Variants in ADAMTS2 observed in about 807,000 individuals in gnomAD.
ADAMTS2 encodes the protein ADAM metallopeptidase with thrombospondin type 1 motif 2, also known as A disintegrin and metalloproteinase with thrombospondin motifs 2.
In ADAMTS2, 50 loss-of-function variants were observed where a neutral mutation model predicts 123.0. The observed-to-expected ratio is 0.41, with a 90% CI of 0.32 to 0.51. The LOEUF is 0.51. ADAMTS2 is among the 20% of genes least tolerant of loss of function. The pLI is 0.35. For missense variants in ADAMTS2, 1,494 were observed against 1,705.2 expected, an observed-to-expected ratio of 0.88 and a Z score of 2.18; for synonymous variants, 678 against 695.4, an observed-to-expected ratio of 0.98 and a Z score of 0.39.
chr5:179,229,332 CATGAG>C (rs1284134942), intron 3 of ADAMTS2, among the ~76,000 whole-genome samples: 6,848 of 106,304 alleles, frequency 0.064, 781 homozygotes, highest in Admixed American at 0.12. Context: ...ACTCCACAAA[CATGAG>C]ACCCCGCTGC....
At chr5:179,148,280 G>C (rs1350865051) in intron 10 of ADAMTS2, among the ~76,000 whole-genome samples, 1 of 152,098 alleles carries the variant, frequency 6.6e-6, no homozygotes, top group Admixed American at 6.5e-5. Flanking sequence ...GTGCCACCCA[G>C]ATCCCTCTTC....
intron 2 of ADAMTS2, among the ~76,000 whole-genome samples, chr5:179,304,267 T>A (rs936439994): frequency 6.6e-6 from 1 of 152,140 alleles, no homozygotes; most frequent in Non-Finnish European, 1.5e-5. Flanking sequence ...CAAAGTCTCA[T>A]AGGGTAATAT....
chr5:179,252,385 A>G lies in ADAMTS2; in HGVS notation c.688+20526T>C, dbSNP rs80186353. ...CTTTGGATCAATGTTGCCTTTTTCTAACTTCTCACACTGGAAATTTATCTC... is the reference window on the plus strand; with the variant it reads ...CTTTGGATCAATGTTGCCTTTTTCTGACTTCTCACACTGGAAATTTATCTC... On this transcript the variant is annotated intron_variant, in intron 3 of 21. Coordinates refer to ENST00000251582, the MANE Select transcript of ADAMTS2 (RefSeq NM_014244.5). Among the ~76,000 whole-genome samples, 864 of 152,130 alleles carry G rather than the reference A, an allele frequency of 5.7e-3. 11 individuals are homozygous for G. Among genetic ancestry groups the G allele is most frequent in the African/African-American group, 0.02 (826 of 41,504 alleles).
chr5:179,313,962 G>A (rs13153106), intron 2 of ADAMTS2, among the ~76,000 whole-genome samples: 1,392 of 43,276 alleles, frequency 0.032, 150 homozygotes, highest in African/African-American at 0.12. Context: ...ATTCACACTC[G>A]TGCACACACA....
intron 20 of ADAMTS2, 41 bp downstream of exon 20, chr5:179,122,603 C>T: frequency 6.5e-7 from 1 of 1,546,184 alleles, no homozygotes; most frequent in Non-Finnish European, 8.7e-7. Flanking sequence ...CCCTGGGCTG[C>T]TGCATGCTGG....
At chr5:179,166,626 C>T (rs1478127604) in intron 5 of ADAMTS2, among the ~76,000 whole-genome samples, 1 of 152,192 alleles carries the variant, frequency 6.6e-6, no homozygotes, top group Non-Finnish European at 1.5e-5. Flanking sequence ...AGCTCCAAGT[C>T]CCAGCCCCAT....
rs1370929755 is a variant in ADAMTS2, at chr5:179,228,381, A to C, written c.689-20666T>G. Among the ~76,000 whole-genome samples, 1 of 152,196 alleles carries C rather than the reference A, an allele frequency of 6.6e-6. No individual in the cohort carries two copies. The highest frequency in any genetic ancestry group is 1.5e-5 in the Non-Finnish European group (1 of 68,034). On this transcript the variant is annotated intron_variant, in intron 3 of 21. Transcript: ENST00000251582. This position sits in a 1 kb window ranked among gnomAD's most constrained non-coding sequence, Gnocchi z 5.2. ...GACTCAGCTCACTCCACCAGAACCC[A>C]GTCTGGGCACCAGCCTGTTTTCTTG...
chr5:179,311,151 T>C (rs550526628), intron 2 of ADAMTS2, among the ~76,000 whole-genome samples: 2 of 151,916 alleles, frequency 1.3e-5, no homozygotes, highest in Non-Finnish European at 2.9e-5. Flanking sequence ...TCAGCAGATG[T>C]TCACTCTGAG....
chr5:179,237,519 A>G (rs1213971406), intron 3 of ADAMTS2, among the ~76,000 whole-genome samples: 1 of 152,156 alleles, frequency 6.6e-6, no homozygotes, highest in Admixed American at 6.5e-5. Flanking sequence ...TCTACTGACT[A>G]AGACAGTGTC....
At chr5:179,222,786 T>C (rs1186158173) in intron 3 of ADAMTS2, among the ~76,000 whole-genome samples, 1 of 152,054 alleles carries the variant, frequency 6.6e-6, no homozygotes, top group Non-Finnish European at 1.5e-5. Flanking sequence ...CATCACAGCA[T>C]TGCATGTTGT....
chr5:179,130,094 G>C lies in ADAMTS2; in HGVS notation c.2295C>G (p.Val765=), dbSNP rs1314855077. ...TGAACTTGCCTGTCTCCAGGTTCTTGACGGCTGAGAATGGCAAGACCAAGT... is the reference window on the plus strand; with the variant it reads ...TGAACTTGCCTGTCTCCAGGTTCTTCACGGCTGAGAATGGCAAGACCAAGT... ...EVDATSHHLA[V]KNLETGKFIL... Residue 765 remains valine (V), a synonymous_variant, in exon 16 of 22, where the codon GTC becomes GTG. Transcript: ENST00000251582. This position sits in a 1 kb window ranked among gnomAD's most constrained non-coding sequence, Gnocchi z 4.3. 6.2e-7 allele frequency: 1 copy of C among 1,613,964 alleles called. No homozygotes were observed. The highest frequency in any genetic ancestry group is 1.7e-5 in the Admixed American group (1 of 60,030).
At chr5:179,295,762 C>T (rs1047237117) in intron 2 of ADAMTS2, among the ~76,000 whole-genome samples, 4 of 152,136 alleles carry the variant, frequency 2.6e-5, no homozygotes, top group Admixed American at 1.3e-4. Context: ...AAGTGAGAGT[C>T]GGGGTGGGAG....
At chr5:179,164,762 G>T (rs1410628782) in intron 5 of ADAMTS2, among the ~76,000 whole-genome samples, 1 of 152,188 alleles carries the variant, frequency 6.6e-6, no homozygotes, top group Non-Finnish European at 1.5e-5. Flanking sequence ...GCACAGGTTC[G>T]AAAGGACTGA....
At chr5:179,199,537 T>C (rs1201855835) in intron 4 of ADAMTS2, among the ~76,000 whole-genome samples, 1 of 152,144 alleles carries the variant, frequency 6.6e-6, no homozygotes, top group Non-Finnish European at 1.5e-5. Flanking sequence ...CTGGCTCTAC[T>C]TCCCCAGACG....
At chr5:179,330,340 C>T (rs1757450365) in intron 2 of ADAMTS2, among the ~76,000 whole-genome samples, 1 of 152,036 alleles carries the variant, frequency 6.6e-6, no homozygotes, top group Admixed American at 6.5e-5. Flanking sequence ...CAGAGACGGC[C>T]TACATCTACC....
chr5:179,191,358 G>C (rs1032891290), intron 4 of ADAMTS2, among the ~76,000 whole-genome samples: 1 of 152,124 alleles, frequency 6.6e-6, no homozygotes, highest in East Asian at 1.9e-4. Flanking sequence ...GCCAGGGCTC[G>C]TGCCACCCCC....
chr5:179,292,021 G>C (rs913811822), intron 2 of ADAMTS2, among the ~76,000 whole-genome samples: 6 of 152,086 alleles, frequency 3.9e-5, no homozygotes, highest in Admixed American at 3.9e-4. Context: ...TGGGATTACA[G>C]ATGTGAGCCA....
At chr5:179,248,919 C>G (rs1765860961) in intron 3 of ADAMTS2, among the ~76,000 whole-genome samples, 1 of 152,082 alleles carries the variant, frequency 6.6e-6, no homozygotes, top group Non-Finnish European at 1.5e-5. Context: ...GCACCCCACT[C>G]AACAGCGGCA....
intron 2 of ADAMTS2, among the ~76,000 whole-genome samples, chr5:179,326,392 C>A (rs1757320807): frequency 6.6e-6 from 1 of 152,100 alleles, no homozygotes; most frequent in South Asian, 2.1e-4. Context: ...AATTCCATTT[C>A]AGAACAGTAA....
Sources: gnomAD v4.1 joint callset for allele counts (sites outside exome capture counted in the v4.1 genomes callset) on GRCh38, gnomAD v4.1.1 for gene constraint, Gnocchi (gnomAD v3.1) non-coding constraint, MANE v1.5 for transcripts, NCBI Gene and HGNC (gene_info 2026-07-23, HGNC 2026-07-21) for gene names.